PRKAB2: variants seen among roughly 807,000 people sequenced by gnomAD.
PRKAB2 encodes protein kinase AMP-activated non-catalytic subunit beta 2.
Under a neutral mutation model 29.8 loss-of-function variants are expected in PRKAB2, and 18 were observed. The ratio of observed to expected loss-of-function variants is 0.60; its 90% CI spans 0.42 to 0.89. The LOEUF (loss-of-function observed/expected upper bound fraction) is 0.89. Ranked by LOEUF, PRKAB2 falls within the 40% of genes least tolerant of loss-of-function variation. The pLI is 0.00. For missense variants in PRKAB2, 270 were observed against 344.3 expected (o/e 0.78, Z 1.71); for synonymous variants, 136 against 125.9 (o/e 1.08, Z -0.54).
intron 2 of PRKAB2, among the ~76,000 whole-genome samples, chr1:147,170,128 TAC>T (rs1491190449): frequency 6.6e-6 from 1 of 152,198 alleles, no homozygotes; most frequent in Non-Finnish European, 1.5e-5. Flanking sequence ...CAATCAGAAC[TAC>T]AGTTTGATGT....
intron 2 of PRKAB2, 146 bp downstream of exon 2, chr1:147,171,843 C>A (rs1654625532): frequency 6.5e-6 from 7 of 1,084,218 alleles, no homozygotes; most frequent in Non-Finnish European, 9.2e-6. Flanking sequence ...GAATTATCAT[C>A]CAACACCTCT....
At position 147,156,048 on chromosome 1, in the gene PRKAB2, C is replaced by A. The variant is rs1653657871; in HGVS notation, c.*3517G>T. ...CCCTAATGGCTACCCCTCCCAGGTC[C>A]TGCATTCCATGGGTAACTGGAGTCA... On this transcript the variant is annotated 3_prime_UTR_variant, in exon 8 of 8. Coordinates refer to ENST00000254101, the MANE Select transcript of PRKAB2 (RefSeq NM_005399.5). 6.6e-6 allele frequency: 1 copy of A among 152,338 alleles called. No individual in the cohort carries two copies. The highest frequency in any genetic ancestry group is 2.4e-5 in the African/African-American group (1 of 41,440). The allele number at this position is 152,338 out of a possible 1,614,324, so 9.4% of individuals were successfully genotyped here.
chr1:147,162,104 A>C (rs1294290848), intron 6 of PRKAB2, among the ~76,000 whole-genome samples: 4 of 152,220 alleles, frequency 2.6e-5, no homozygotes, highest in African/African-American at 7.2e-5. Context: ...GGAATCAAGT[A>C]GATTGAATAG....
At chr1:147,161,859 C>A (rs1653981724) in intron 6 of PRKAB2, 79 bp from the exon 7 acceptor site, 1 of 1,145,390 alleles carries the variant, frequency 8.7e-7, no homozygotes, top group Non-Finnish European at 1.2e-6. Flanking sequence ...GCTTACTCTT[C>A]CTCAGAGCTC....
At chr1:147,159,906 A>G (rs1193714291) in intron 7 of PRKAB2, among the ~76,000 whole-genome samples, 1 of 152,176 alleles carries the variant, frequency 6.6e-6, no homozygotes, top group Non-Finnish European at 1.5e-5. Context: ...TGATGATTAC[A>G]TGAGAATATC....
chr1:147,160,901 A>G (rs1553912985), intron 7 of PRKAB2: 2 of 152,172 alleles, frequency 1.3e-5, no homozygotes, highest in Non-Finnish European at 2.9e-5. Flanking sequence ...TATATTTTTA[A>G]GTGTTATATT....
chr1:147,161,626 A>G, intron 7 of PRKAB2, 86 bp downstream of exon 7: 1 of 1,155,134 alleles, frequency 8.7e-7, no homozygotes, highest in East Asian at 2.4e-5. Context: ...TCAATGAAAT[A>G]GCAGAGAAAG....
At chr1:147,165,561 T>C (rs1654200712) in intron 5 of PRKAB2, among the ~76,000 whole-genome samples, 1 of 152,208 alleles carries the variant, frequency 6.6e-6, no homozygotes, top group Admixed American at 6.5e-5. Context: ...GGGAATACTG[T>C]GCACAATTCT....
chr1:147,171,351 A>G (rs922591177), intron 2 of PRKAB2, among the ~76,000 whole-genome samples: 19 of 152,328 alleles, frequency 1.2e-4, no homozygotes, highest in African/African-American at 4.1e-4. Context: ...GGGGCGTGAA[A>G]GAGGCACAGC....
chr1:147,164,042 T>A (rs1223711702), intron 5 of PRKAB2, among the ~76,000 whole-genome samples: 1 of 152,104 alleles, frequency 6.6e-6, no homozygotes, highest in African/African-American at 2.4e-5. Context: ...GCTCAAGTGA[T>A]CCTCCCACCT....
In PRKAB2 at chr1:147,166,511, C is replaced by T; in HGVS notation, c.525G>A (p.Glu175=). 6.2e-7 allele frequency: 1 copy of T among 1,613,752 alleles called. No individual in the cohort carries two copies. Among genetic ancestry groups the T allele is most frequent in the Non-Finnish European group, 8.5e-7 (1 of 1,179,798 alleles). The stretch of plus-strand genomic sequence containing the variant: ...ATACAAAATTACCTCTACAAGATGT[C>T]TCAGAACTTTCCATAGAATCTAACT... ...ALKLDSMESS[E]TSCRDLSSSP... is the part of the protein sequence containing the mutation. The change falls in exon 5 of 8, where the codon GAG becomes GAA. Residue 175 remains glutamate, a synonymous_variant. Coordinates refer to ENST00000254101, the MANE Select transcript of PRKAB2 (RefSeq NM_005399.5).
rs1653611126 is a variant in PRKAB2 at position 147,155,140 on chromosome 1, G to A, written c.*4425C>T. 6.6e-6 allele frequency: 1 copy of A among 152,288 alleles called. No homozygotes were observed. The highest frequency in any genetic ancestry group is 2.4e-5 in the African/African-American group (1 of 41,378). 9.4% of individuals were successfully genotyped at this position (152,288 alleles called of 1,614,324 possible). A position where few individuals can be genotyped will look rare whatever the true frequency, so the allele number is the denominator to read the frequency against. On this transcript the variant is annotated 3_prime_UTR_variant, in exon 8 of 8. Transcript: ENST00000254101. ...TATAATACTTTTATTAAAGTTTTAT[G>A]GAAAAAACCCACAACATTTCTGTAT...
chr1:147,159,036 A>G lies in PRKAB2; in HGVS notation c.*529T>C, dbSNP rs587634164. Reference sequence around the variant, plus strand: ...TAAGGGTTCTTGTGGGGCATCTGGTATCATATAAACAACACAGATTGTGCC... The same window carrying G: ...TAAGGGTTCTTGTGGGGCATCTGGTGTCATATAAACAACACAGATTGTGCC... On this transcript the variant is annotated 3_prime_UTR_variant, in exon 8 of 8. Coordinates refer to ENST00000254101, the MANE Select transcript of PRKAB2 (RefSeq NM_005399.5). 4 of 152,936 alleles carry G rather than the reference A, an allele frequency of 2.6e-5. No individual in the cohort carries two copies. Among genetic ancestry groups the G allele is most frequent in the East Asian group, 1.9e-4 (1 of 5,178 alleles). 9.5% of individuals were successfully genotyped at this position (152,936 alleles called of 1,614,324 possible).
chr1:147,159,936 T>C (rs1485777265), intron 7 of PRKAB2, among the ~76,000 whole-genome samples: 2 of 152,106 alleles, frequency 1.3e-5, no homozygotes, highest in African/African-American at 4.8e-5. Context: ...TTCTGACACA[T>C]AAAAGGGCTG....
At chr1:147,167,240 T>C (rs1553913799) in intron 3 of PRKAB2, among the ~76,000 whole-genome samples, 1 of 152,200 alleles carries the variant, frequency 6.6e-6, no homozygotes, top group East Asian at 1.9e-4. Context: ...TAGAACAAGT[T>C]CCTCACCAGT....
chr1:147,162,606 T>C lies in PRKAB2; in HGVS notation c.539-33A>G, dbSNP rs147705418. On this transcript the variant is annotated intron_variant, in intron 5 of 7. Transcript: ENST00000254101. ...ATATTTATACAAATATGAGAAAGAG[T>C]TGGAGAATTAGCAAGAATGCATGGA... 1.8e-4 allele frequency: 283 copies of C among 1,577,052 alleles called. 2 individuals carry two copies. The African/African-American group carries it at 3.3e-3, about 18-fold the overall frequency.
intron 2 of PRKAB2, among the ~76,000 whole-genome samples, chr1:147,168,561 A>G (rs1654363315): frequency 6.6e-6 from 1 of 152,244 alleles, no homozygotes; most frequent in East Asian, 1.9e-4. Context: ...GCTTATACTA[A>G]TTATTTCAGG....
intron 2 of PRKAB2, among the ~76,000 whole-genome samples, chr1:147,168,877 C>T (rs1654380304): frequency 6.6e-6 from 1 of 152,338 alleles, no homozygotes; most frequent in Admixed American, 6.5e-5. Flanking sequence ...AATCATAGCT[C>T]ACTGCAGCCT....
Position 147,159,529 on chromosome 1 carries a change from C to T in PRKAB2, c.*36G>A. On this transcript the variant is annotated 3_prime_UTR_variant, in exon 8 of 8. Coordinates refer to ENST00000254101, the MANE Select transcript of PRKAB2 (RefSeq NM_005399.5). ...TCAGTCCAGAAATGCAAGGGAGATG[C>T]TTCTCCTGAATCCTTAGAGGCAAGA... is the stretch of plus-strand genomic sequence containing the variant. 6.3e-7 allele frequency: 1 copy of T among 1,575,108 alleles called. No homozygotes were observed. Among genetic ancestry groups the T allele is most frequent in the Non-Finnish European group, 8.7e-7 (1 of 1,145,872 alleles).
Sources: allele counts gnomAD v4.1 joint callset (sites outside exome capture counted in the v4.1 genomes callset), GRCh38; gene constraint gnomAD v4.1.1; transcripts MANE v1.5; gene names NCBI Gene and HGNC (gene_info 2026-07-23, HGNC 2026-07-21).